The following CLPB variants were observed in gnomAD, a reference collection of about 807,000 sequenced individuals.
CLPB encodes mitochondrial disaggregase.
Under a neutral mutation model 78.4 loss-of-function variants are expected in CLPB, and 40 were observed. The observed-to-expected ratio is 0.51, with a 90% confidence interval of 0.40 to 0.66. The LOEUF (loss-of-function observed/expected upper bound fraction) is 0.66. Among genes scored for constraint, CLPB ranks in the 30% least tolerant of loss-of-function variants. CLPB has a pLI of 0.00. For missense variants in CLPB, 780 were observed against 886.9 expected, an observed-to-expected ratio of 0.88 and a Z score of 1.53; for synonymous variants, 333 against 348.0, an observed-to-expected ratio of 0.96 and a Z score of 0.48.
intron 6 of CLPB, among the ~76,000 whole-genome samples, chr11:72,321,613 T>G (rs570317920): frequency 6.6e-6 from 1 of 152,250 alleles, no homozygotes; most frequent in African/African-American, 2.4e-5. Context: ...ATGGCAGGCA[T>G]CCCAACTGTT....
chr11:72,302,160 A>C, intron 10 of CLPB, 144 bp downstream of exon 10: 1 of 990,820 alleles, frequency 1.0e-6, no homozygotes, highest in South Asian at 1.5e-5. Flanking sequence ...TGTGAAACAA[A>C]TCAGTGACCC....
intron 3 of CLPB, among the ~76,000 whole-genome samples, chr11:72,387,313 C>T (rs1000016761): frequency 6.6e-6 from 1 of 152,150 alleles, no homozygotes; most frequent in Non-Finnish European, 1.5e-5. Flanking sequence ...AAGAGTAGCT[C>T]ATCTGGTTGT....
At chr11:72,381,596 TC>T (rs1456615714) in intron 3 of CLPB, among the ~76,000 whole-genome samples, 1 of 151,780 alleles carries the variant, frequency 6.6e-6, no homozygotes, top group Non-Finnish European at 1.5e-5. Flanking sequence ...GGCTCTAGAC[TC>T]CCCCCAGAAC....
intron 2 of CLPB, chr11:72,412,023 C>T (rs1855892991): frequency 6.6e-6 from 1 of 152,248 alleles, no homozygotes; most frequent in Admixed American, 6.5e-5. Flanking sequence ...AGGCAAGGTG[C>T]CTGGGGCCAG....
intron 2 of CLPB, among the ~76,000 whole-genome samples, chr11:72,421,109 T>C (rs571669090): frequency 3.9e-5 from 6 of 152,332 alleles, no homozygotes; most frequent in African/African-American, 1.4e-4. Flanking sequence ...ACCAGCTTTT[T>C]TGCAGGGTAC....
At position 72,386,014 on chromosome 11, in the gene CLPB, A is replaced by C. The variant is rs146112937; in HGVS notation, c.543-5630T>G. On this transcript the variant is annotated intron_variant, in intron 3 of 15. Transcript: ENST00000538039. ...GATAAAATTTACATCAAAAAGTATA[A>C]GCATTTTAAGAGTTTTATAAATATT... 6.6e-5 allele frequency among the ~76,000 whole-genome samples: 10 copies of C among 152,328 alleles called. No homozygotes were observed. The East Asian group carries it at 1.9e-3, about 29-fold the overall frequency.
At chr11:72,338,506 C>T (rs1462852976) in intron 5 of CLPB, among the ~76,000 whole-genome samples, 1 of 152,238 alleles carries the variant, frequency 6.6e-6, no homozygotes, top group African/African-American at 2.4e-5. Context: ...TTAGCACCCA[C>T]TGGAAGGACT....
intron 9 of CLPB, 69 bp from the exon 10 acceptor site, chr11:72,302,417 G>T: frequency 7.4e-7 from 1 of 1,360,328 alleles, no homozygotes; most frequent in South Asian, 1.2e-5. Flanking sequence ...TTAGGGAGGA[G>T]AGCACCTCAA....
At chr11:72,400,303 G>T (rs1855524602) in intron 3 of CLPB, among the ~76,000 whole-genome samples, 1 of 152,166 alleles carries the variant, frequency 6.6e-6, no homozygotes, top group South Asian at 2.1e-4. Context: ...GTCCTCCCTG[G>T]ATAGTGGAAG....
rs1016850939 is a variant in CLPB at position 72,408,313 on chromosome 11, T to C, written c.456-5261A>G. 17 of 803,448 alleles carry C rather than the reference T, an allele frequency of 2.1e-5. No homozygotes were observed. In the African/African-American group the frequency reaches 2.8e-4, roughly 13 times the overall value. The allele number at this position is 803,448 out of a possible 1,614,324, so 49.8% of individuals were successfully genotyped here. On this transcript the variant is annotated intron_variant, in intron 2 of 15. Coordinates refer to ENST00000538039, the MANE Select transcript of CLPB (RefSeq NM_001258392.3). ...AAATGGAAGATATTAATCCCTCTTGTGCAAGGTGGTCGTAAGGATTAAAAC... is the reference window on the plus strand; with the variant it reads ...AAATGGAAGATATTAATCCCTCTTGCGCAAGGTGGTCGTAAGGATTAAAAC...
rs376495689 is a variant in CLPB at position 72,408,250 on chromosome 11, T to G, written c.456-5198A>C. 148 of 1,334,070 alleles carry G rather than the reference T, an allele frequency of 1.1e-4. 2 individuals carry two copies. In the East Asian group the frequency reaches 1.6e-3, roughly 15 times the overall value. The allele number at this position is 1,334,070 out of a possible 1,614,324, so 82.6% of individuals were successfully genotyped here. Reference sequence around the variant, plus strand: ...AGCAATGACCCTGGAGTCCAAAGGCTGGAGTTCAGATTCTAGCTCTGTCAC... The same window carrying G: ...AGCAATGACCCTGGAGTCCAAAGGCGGGAGTTCAGATTCTAGCTCTGTCAC... On this transcript the variant is annotated intron_variant, in intron 2 of 15. Coordinates refer to ENST00000538039, the MANE Select transcript of CLPB (RefSeq NM_001258392.3).
intron 11 of CLPB, among the ~76,000 whole-genome samples, chr11:72,301,228 G>A (rs202078165): frequency 1.3e-5 from 2 of 152,182 alleles, no homozygotes; most frequent in East Asian, 1.9e-4. Flanking sequence ...CTACGAGCAG[G>A]GGAACTGGAC....
chr11:72,309,864 G>A lies in CLPB; in HGVS notation c.989-1260C>T, dbSNP rs565700315. ...GATAGATGTCAGAGAACAAGGCCTG[G>A]AACACTAGTCAATGGGGAAAGATTT... On this transcript the variant is annotated intron_variant, in intron 7 of 15. Coordinates refer to ENST00000538039, the MANE Select transcript of CLPB (RefSeq NM_001258392.3). Among the ~76,000 whole-genome samples, 7 of 152,290 alleles carry A rather than the reference G, an allele frequency of 4.6e-5. No individual in the cohort carries two copies. In the East Asian group the frequency reaches 1.4e-3, roughly 29 times the overall value.
chr11:72,379,204 T>C (rs1029118923), intron 4 of CLPB, among the ~76,000 whole-genome samples: 3 of 152,164 alleles, frequency 2.0e-5, no homozygotes, highest in African/African-American at 7.2e-5. Context: ...ATTGCTCCCC[T>C]TGGCTGAATT....
intron 3 of CLPB, among the ~76,000 whole-genome samples, chr11:72,385,445 A>G (rs1178003002): frequency 6.6e-6 from 1 of 152,238 alleles, no homozygotes; most frequent in African/African-American, 2.4e-5. Context: ...GGATATATAC[A>G]TACTTTTATT....
intron 3 of CLPB, among the ~76,000 whole-genome samples, chr11:72,386,227 T>C (rs1487704132): frequency 1.3e-5 from 2 of 152,194 alleles, no homozygotes; most frequent in South Asian, 2.1e-4. Flanking sequence ...TTTTGATTAC[T>C]AGTCAGGATG....
intron 12 of CLPB, 22 bp from the exon 13 acceptor site, chr11:72,294,715 T>C: frequency 1.2e-6 from 2 of 1,601,548 alleles, no homozygotes; most frequent in Non-Finnish European, 1.7e-6. Flanking sequence ...AATCATAAAC[T>C]GCTTATTCCC....
intron 3 of CLPB, among the ~76,000 whole-genome samples, chr11:72,390,767 A>G (rs1435523839): frequency 6.6e-6 from 1 of 152,248 alleles, no homozygotes. Flanking sequence ...GCAGGACTTC[A>G]TTAAAGCACC....
In CLPB at chr11:72,289,381, G is replaced by A. The variant is rs539450633; in HGVS notation, c.*3986C>T. The A allele has an allele frequency of 5.3e-5, 8 of 152,178 alleles. No individual in the cohort carries two copies. Among genetic ancestry groups the A allele is most frequent in the Non-Finnish European group, 8.8e-5 (6 of 68,012 alleles). The allele number at this position is 152,178 out of a possible 1,614,324, so 9.4% of individuals were successfully genotyped here. ...CGGGCATAAGACCTCTATCTAGTAG[G>A]AATACTGCACACAGGCTGGTTACTA... is the stretch of plus-strand genomic sequence containing the variant. On this transcript the variant is annotated 3_prime_UTR_variant, in exon 16 of 16. Coordinates refer to ENST00000538039, the MANE Select transcript of CLPB (RefSeq NM_001258392.3).
Sources: gnomAD v4.1 joint callset for allele counts (sites outside exome capture counted in the v4.1 genomes callset) on GRCh38, gnomAD v4.1.1 for gene constraint, MANE v1.5 for transcripts, NCBI Gene and HGNC (gene_info 2026-07-23, HGNC 2026-07-21) for gene names.